Variants in MAGI1 observed in about 807,000 individuals in gnomAD.
MAGI1 encodes the protein membrane associated guanylate kinase, WW and PDZ domain containing 1, also known as membrane-associated guanylate kinase, WW and PDZ domain-containing protein 1.
A neutral mutation model predicts 139.9 loss-of-function variants in MAGI1; 58 were observed. The observed-to-expected ratio is 0.41, with a 90% CI of 0.34 to 0.52. The LOEUF (loss-of-function observed/expected upper bound fraction) is 0.52, where lower values mean the gene tolerates loss of function less well. Ranked by LOEUF, MAGI1 falls within the 20% of genes least tolerant of loss-of-function variation. The probability of loss-of-function intolerance (pLI) is 0.12; values close to 1 mark genes in which losing one functional copy is unlikely to be tolerated. For synonymous variants in MAGI1, 812 were observed against 737.9 expected (o/e 1.10, Z -1.63); for missense variants, 1,874 against 1,901.6 (o/e 0.99, Z 0.27).
intron 14 of MAGI1, among the ~76,000 whole-genome samples, chr3:65,385,708 T>C (rs938666128): frequency 2.0e-5 from 3 of 152,238 alleles, no homozygotes; most frequent in Non-Finnish European, 4.4e-5. Flanking sequence ...GGGTGCTTTC[T>C]ATCCACTGCT....
chr3:65,719,811 T>C (rs891735437), intron 1 of MAGI1, among the ~76,000 whole-genome samples: 1 of 152,196 alleles, frequency 6.6e-6, no homozygotes, highest in Non-Finnish European at 1.5e-5. Context: ...TCTCCCAAAG[T>C]GCTGGGATTA....
chr3:65,545,637 G>C (rs2079456348), intron 2 of MAGI1, among the ~76,000 whole-genome samples: 1 of 152,102 alleles, frequency 6.6e-6, no homozygotes, highest in Admixed American at 6.5e-5. Context: ...CATCTACAGA[G>C]TTCCTAAGAA....
chr3:65,774,362 T>C (rs1001127617), intron 1 of MAGI1, among the ~76,000 whole-genome samples: 2 of 152,188 alleles, frequency 1.3e-5, no homozygotes, highest in Non-Finnish European at 2.9e-5. Context: ...CACCCATGAA[T>C]TTATTGAAAA....
chr3:65,927,085 G>A (rs1176444587), intron 1 of MAGI1, among the ~76,000 whole-genome samples: 1 of 152,190 alleles, frequency 6.6e-6, no homozygotes, highest in East Asian at 1.9e-4. Context: ...CACCCCTTGT[G>A]TAGCATATAA....
At chr3:66,023,260 G>C (rs373498856) in intron 1 of MAGI1, among the ~76,000 whole-genome samples, 8 of 152,308 alleles carry the variant, frequency 5.3e-5, no homozygotes, top group African/African-American at 1.9e-4. Context: ...AAGGGGACTA[G>C]AGAAGGAGAG....
At chr3:65,879,110 G>A (rs1286209147) in intron 1 of MAGI1, among the ~76,000 whole-genome samples, 1 of 152,062 alleles carries the variant, frequency 6.6e-6, no homozygotes, top group African/African-American at 2.4e-5. Flanking sequence ...TGGTAAACAA[G>A]AGTATCCCCA....
intron 1 of MAGI1, among the ~76,000 whole-genome samples, chr3:65,915,789 C>T (rs1487046461): frequency 6.6e-6 from 1 of 151,960 alleles, no homozygotes. Flanking sequence ...TACTTCCTGG[C>T]TTTCCTCTCT....
At chr3:65,488,748 G>A (rs775489996) in intron 3 of MAGI1, among the ~76,000 whole-genome samples, 11 of 151,812 alleles carry the variant, frequency 7.2e-5, no homozygotes, top group Non-Finnish European at 1.3e-4. Flanking sequence ...TTGGCTCACT[G>A]CAGCCTCGAA....
intron 2 of MAGI1, among the ~76,000 whole-genome samples, chr3:65,575,897 C>T (rs1016420322): frequency 6.6e-5 from 10 of 152,042 alleles, no homozygotes; most frequent in Admixed American, 1.3e-4. Flanking sequence ...GTCTTGAAAT[C>T]GGGAGATACA....
intron 1 of MAGI1, among the ~76,000 whole-genome samples, chr3:65,881,619 C>T (rs1467362279): frequency 1.3e-5 from 2 of 151,316 alleles, no homozygotes; most frequent in Non-Finnish European, 2.9e-5. Flanking sequence ...AGAGCCAGAC[C>T]CCTTCCTCAA....
intron 1 of MAGI1, among the ~76,000 whole-genome samples, chr3:65,876,349 C>CT (rs1250125209): frequency 6.6e-6 from 1 of 151,628 alleles, no homozygotes; most frequent in Non-Finnish European, 1.5e-5. Context: ...CACTCACCAC[C>CT]CCCCCCAAAA....
rs113427064 is a variant in MAGI1, at chr3:66,009,837, T to C, written c.313+28159A>G. Among the ~76,000 whole-genome samples, 862 of 152,026 alleles carry C rather than the reference T, an allele frequency of 5.7e-3. 6 individuals carry two copies. The highest frequency in any genetic ancestry group is 0.02 in the African/African-American group (829 of 41,512). On this transcript the variant is annotated intron_variant, in intron 1 of 22. Transcript: ENST00000402939. ...ATCCCAGCACTTTGGGAGGCCGAGATAGGTGAGGCAGGTGGATTGCTTGAG... is the reference window on the plus strand; with the variant it reads ...ATCCCAGCACTTTGGGAGGCCGAGACAGGTGAGGCAGGTGGATTGCTTGAG...
intron 1 of MAGI1, among the ~76,000 whole-genome samples, chr3:65,956,606 G>T (rs1178230895): frequency 6.6e-6 from 1 of 152,142 alleles, no homozygotes; most frequent in East Asian, 1.9e-4. Flanking sequence ...AAAATTAAAA[G>T]ATCATCAATA....
At chr3:65,907,498 G>A (rs539867903) in intron 1 of MAGI1, 2 of 152,286 alleles carry the variant, frequency 1.3e-5, no homozygotes, top group African/African-American at 2.4e-5. Context: ...AACTCAGCCA[G>A]TAAAGCTTTG....
chr3:65,731,904 G>A (rs996394884), intron 1 of MAGI1, among the ~76,000 whole-genome samples: 1 of 151,982 alleles, frequency 6.6e-6, no homozygotes, highest in Non-Finnish European at 1.5e-5. Context: ...AAAGAATGAG[G>A]GTCTAAATTT....
chr3:65,812,482 A>ACACACACACACG (rs768268009), intron 1 of MAGI1, among the ~76,000 whole-genome samples: 3,203 of 150,338 alleles, frequency 0.021, 41 homozygotes, highest in Non-Finnish European at 0.034. Context: ...ACACACACAC[A>ACACACACACACG]CACACACACT....
chr3:65,538,473 T>G (rs944760467), intron 2 of MAGI1, among the ~76,000 whole-genome samples: 4 of 152,202 alleles, frequency 2.6e-5, no homozygotes, highest in Non-Finnish European at 5.9e-5. Flanking sequence ...GTTCAGCATT[T>G]TCTAAAACAA....
intron 12 of MAGI1, among the ~76,000 whole-genome samples, chr3:65,407,438 C>T (rs889257494): frequency 7.1e-6 from 1 of 140,040 alleles, no homozygotes; most frequent in African/African-American, 2.5e-5. Flanking sequence ...CAGAGTGAGA[C>T]TCCGTCTCAA....
intron 1 of MAGI1, among the ~76,000 whole-genome samples, chr3:65,731,097 G>A (rs75875579): frequency 0.081 from 12,359 of 152,138 alleles, 627 homozygotes; most frequent in Non-Finnish European, 0.11. Flanking sequence ...CCTGAAGGGT[G>A]ATCAAAATGT....
Sources: gnomAD v4.1 joint callset for allele counts (sites outside exome capture counted in the v4.1 genomes callset) on GRCh38, gnomAD v4.1.1 for gene constraint, MANE v1.5 for transcripts, NCBI Gene and HGNC (gene_info 2026-07-23, HGNC 2026-07-21) for gene names.